SH3D19: variants seen among roughly 807,000 people sequenced by gnomAD.
SH3D19 encodes the protein SH3 domain-containing protein 19.
SH3D19 carries 58 observed loss-of-function variants against 112.1 expected under a neutral mutation model. The observed-to-expected ratio is 0.52, with a 90% CI of 0.42 to 0.64. The LOEUF is 0.64. SH3D19 is among the 30% of genes least tolerant of loss of function. The pLI is 0.00. For synonymous variants in SH3D19, 391 were observed against 448.5 expected, an observed-to-expected ratio of 0.87 and a Z score of 1.62; for missense variants, 1,090 against 1,263.4, an observed-to-expected ratio of 0.86 and a Z score of 2.08.
chr4:151,204,520 TCA>T (rs1231881330), intron 2 of SH3D19, among the ~76,000 whole-genome samples: 1 of 152,022 alleles, frequency 6.6e-6, no homozygotes, highest in Non-Finnish European at 1.5e-5. Context: ...AAAATGCTTT[TCA>T]CACACAATAA....
chr4:151,313,371 G>T (rs1415612213), intron 1 of SH3D19, among the ~76,000 whole-genome samples: 6 of 151,990 alleles, frequency 3.9e-5, no homozygotes, highest in Non-Finnish European at 8.8e-5. Flanking sequence ...CTAATTAAGA[G>T]TAATATTCAA....
intron 13 of SH3D19, 98 bp from the exon 14 acceptor site, chr4:151,137,960 A>G: frequency 1.1e-6 from 1 of 911,892 alleles, no homozygotes; most frequent in Non-Finnish European, 1.6e-6. Context: ...TGAGGCAGTT[A>G]TGTTCCACTG....
rs546933392 is a variant in SH3D19, at chr4:151,125,639, G to A, written c.3027+1979C>T. On this transcript the variant is annotated intron_variant, in intron 19 of 19. Transcript: ENST00000604030. Reference sequence around the variant, plus strand: ...GAGGCTGAGGCAGGCAGATCACGAGGTCAGGAGTTTGATTCCAGCCTGGCC... The same window carrying A: ...GAGGCTGAGGCAGGCAGATCACGAGATCAGGAGTTTGATTCCAGCCTGGCC... 2.0e-3 allele frequency among the ~76,000 whole-genome samples: 311 copies of A among 151,940 alleles called. 1 individual carries two copies. Among genetic ancestry groups the A allele is most frequent in the African/African-American group, 7.3e-3 (303 of 41,484 alleles).
chr4:151,121,280 A>C lies in SH3D19; in HGVS notation c.*811T>G, dbSNP rs905483704. On this transcript the variant is annotated 3_prime_UTR_variant, in exon 20 of 20. Coordinates refer to ENST00000604030, the MANE Select transcript of SH3D19 (RefSeq NM_001378122.1). ...AAATGAATTTTCCTTTGGGTCCAGTAATTGTCAAAGGAATGATTGCAGATT... is the reference window on the plus strand; with the variant it reads ...AAATGAATTTTCCTTTGGGTCCAGTCATTGTCAAAGGAATGATTGCAGATT... The C allele has an allele frequency of 2.0e-5, 3 of 152,648 alleles. No homozygotes were observed. Among genetic ancestry groups the C allele is most frequent in the African/African-American group, 7.2e-5 (3 of 41,448 alleles). The allele number at this position is 152,648 out of a possible 1,614,324, so 9.5% of individuals were successfully genotyped here.
chr4:151,132,677 C>T (rs1416298996), intron 16 of SH3D19, among the ~76,000 whole-genome samples: 1 of 152,096 alleles, frequency 6.6e-6, no homozygotes, highest in African/African-American at 2.4e-5. Context: ...GCTCTGTTGC[C>T]CAGGCTGGAG....
At chr4:151,309,906 C>T (rs1246970062) in intron 1 of SH3D19, among the ~76,000 whole-genome samples, 4 of 152,162 alleles carry the variant, frequency 2.6e-5, no homozygotes, top group East Asian at 1.9e-4. Flanking sequence ...GGGAGGATTT[C>T]TTGAGCCCGG....
At chr4:151,313,733 C>G (rs12640234) in intron 1 of SH3D19, among the ~76,000 whole-genome samples, 86,147 of 152,004 alleles carry the variant, frequency 0.57, 25,247 homozygotes, top group African/African-American at 0.72. Flanking sequence ...TGAGAGTAAC[C>G]AATCTACCTT....
intron 1 of SH3D19, among the ~76,000 whole-genome samples, chr4:151,254,066 T>C (rs907770430): frequency 1.2e-4 from 19 of 152,178 alleles, no homozygotes; most frequent in African/African-American, 4.3e-4. Context: ...GTTAAGCCAT[T>C]TAACCTCCAA....
intron 1 of SH3D19, among the ~76,000 whole-genome samples, chr4:151,273,292 T>C (rs1167880775): frequency 1.3e-5 from 2 of 152,074 alleles, no homozygotes; most frequent in African/African-American, 2.4e-5. Flanking sequence ...TGTCCAGTGA[T>C]GTATTAATAA....
chr4:151,246,680 T>C (rs1770970659), intron 1 of SH3D19, among the ~76,000 whole-genome samples: 1 of 152,176 alleles, frequency 6.6e-6, no homozygotes, highest in East Asian at 1.9e-4. Context: ...TGTCAGGTAC[T>C]TACCTAACTG....
intron 1 of SH3D19, chr4:151,291,109 C>A: frequency 6.3e-7 from 1 of 1,595,488 alleles, no homozygotes. Flanking sequence ...CCTTTCATTT[C>A]TTCCTTAGGG....
chr4:151,315,640 C>G (rs1372596556), intron 1 of SH3D19, among the ~76,000 whole-genome samples: 1 of 152,032 alleles, frequency 6.6e-6, no homozygotes, highest in Non-Finnish European at 1.5e-5. Context: ...TTGGAGAGAC[C>G]AAACAAACTA....
intron 1 of SH3D19, among the ~76,000 whole-genome samples, chr4:151,312,690 G>A (rs920889880): frequency 5.3e-5 from 8 of 152,156 alleles, no homozygotes; most frequent in Middle Eastern, 6.8e-3. Context: ...CATCAGGTCA[G>A]GAGTTTGAGA....
At chr4:151,318,875 A>T (rs917635617) in intron 1 of SH3D19, among the ~76,000 whole-genome samples, 1 of 152,312 alleles carries the variant, frequency 6.6e-6, no homozygotes, top group African/African-American at 2.4e-5. Flanking sequence ...CCCACCATGG[A>T]CTACTTTATA....
chr4:151,315,465 C>T (rs1269830981), intron 1 of SH3D19, among the ~76,000 whole-genome samples: 2 of 152,180 alleles, frequency 1.3e-5, no homozygotes, highest in East Asian at 3.8e-4. Flanking sequence ...AGTCATAGGT[C>T]ACCTCAATCA....
intron 2 of SH3D19, among the ~76,000 whole-genome samples, chr4:151,199,547 G>T (rs1282384710): frequency 1.3e-5 from 2 of 152,136 alleles, no homozygotes; most frequent in Non-Finnish European, 2.9e-5. Context: ...AACTCATTTG[G>T]CAGCATACTT....
At chr4:151,145,663 G>A (rs1407858029) in intron 11 of SH3D19, among the ~76,000 whole-genome samples, 4 of 152,162 alleles carry the variant, frequency 2.6e-5, no homozygotes, top group Non-Finnish European at 4.4e-5. Context: ...ACACAGACGT[G>A]CGTGACAAGA....
chr4:151,200,727 GAACA>G (rs1402762130), intron 2 of SH3D19, among the ~76,000 whole-genome samples: 1 of 152,092 alleles, frequency 6.6e-6, no homozygotes, highest in Non-Finnish European at 1.5e-5. Context: ...ATTACGACAA[GAACA>G]AAAAAACTGA....
At chr4:151,242,817 T>C (rs1054630065) in intron 1 of SH3D19, among the ~76,000 whole-genome samples, 1 of 152,198 alleles carries the variant, frequency 6.6e-6, no homozygotes, top group African/African-American at 2.4e-5. Context: ...ACAAGGGATA[T>C]AAGATTCTAA....
Sources: allele counts gnomAD v4.1 joint callset (sites outside exome capture counted in the v4.1 genomes callset), GRCh38; gene constraint gnomAD v4.1.1; transcripts MANE v1.5; gene names NCBI Gene and HGNC (gene_info 2026-07-23, HGNC 2026-07-21).